C8orf74: variants seen among roughly 807,000 people sequenced by gnomAD.
C8orf74 encodes uncharacterized protein C8orf74.
In C8orf74, 29 loss-of-function variants were observed where a neutral mutation model predicts 22.2. The ratio of observed to expected loss-of-function variants is 1.31; its 90% CI spans 0.97 to 1.78. C8orf74 has a LOEUF of 1.78. C8orf74 is among the 40% of genes most tolerant of loss of function. The probability of loss-of-function intolerance (pLI) is 0.00; values close to 1 mark genes in which losing one functional copy is unlikely to be tolerated. For missense variants in C8orf74, 515 were observed against 369.9 expected (o/e 1.39, Z -3.22); for synonymous variants, 255 against 163.1 (o/e 1.56, Z -4.30).
chr8:10,673,319 T>C (rs764778992), intron 1 of C8orf74, among the ~76,000 whole-genome samples: 15 of 152,146 alleles, frequency 9.9e-5, no homozygotes, highest in Non-Finnish European at 2.1e-4. Flanking sequence ...TGGGAGCCTA[T>C]AAGAACTTTC....
intron 2 of C8orf74, among the ~76,000 whole-genome samples, chr8:10,678,934 G>A (rs541480432): frequency 2.0e-5 from 3 of 152,316 alleles, no homozygotes; most frequent in African/African-American, 7.2e-5. Flanking sequence ...AGGGACACTC[G>A]TGAGAGCGAG....
chr8:10,674,820 C>T lies in C8orf74; in HGVS notation c.223C>T (p.Leu75=), dbSNP rs748124142. 1.5e-5 allele frequency: 24 copies of T among 1,602,254 alleles called. No individual in the cohort carries two copies. Among genetic ancestry groups the T allele is most frequent in the Middle Eastern group, 3.3e-4 (2 of 6,046 alleles). ...VAQVVKFTEE[L]LRETKGCSIT... is the part of the protein sequence containing the mutation. ...CCAGGTGGTCAAGTTCACAGAAGAG[C>T]TGCTAAGGGAAACCAAAGGTATGGT... The change falls in exon 2 of 4, where the codon CTG becomes TTG. Residue 75 remains leucine, a synonymous_variant. Transcript: ENST00000304519.
chr8:10,696,711 G>C (rs1799508946), intron 2 of C8orf74, among the ~76,000 whole-genome samples: 1 of 152,006 alleles, frequency 6.6e-6, no homozygotes, highest in Non-Finnish European at 1.5e-5. Context: ...GCCTCCCAAA[G>C]TGGTGGGATT....
intron 2 of C8orf74, among the ~76,000 whole-genome samples, chr8:10,683,101 C>T (rs529527836): frequency 6.6e-6 from 1 of 152,362 alleles, no homozygotes; most frequent in East Asian, 1.9e-4. Flanking sequence ...GAGAAGCAGG[C>T]AGCCCAGGAG....
At chr8:10,695,673 A>G (rs1799475857) in intron 2 of C8orf74, among the ~76,000 whole-genome samples, 1 of 152,146 alleles carries the variant, frequency 6.6e-6, no homozygotes, top group African/African-American at 2.4e-5. Flanking sequence ...GGAGACTTCA[A>G]AACAACCTCG....
intron 2 of C8orf74, chr8:10,688,526 T>G (rs1023689827): frequency 6.6e-6 from 1 of 152,378 alleles, no homozygotes; most frequent in Non-Finnish European, 1.5e-5. Context: ...AGTGCCATCT[T>G]CAGTCCCATC....
At chr8:10,695,075 A>T (rs1213243338) in intron 2 of C8orf74, among the ~76,000 whole-genome samples, 1 of 151,696 alleles carries the variant, frequency 6.6e-6, no homozygotes, top group African/African-American at 2.4e-5. Context: ...AGGAAGGAAT[A>T]GAGGGAAGGC....
In C8orf74 at chr8:10,697,833, G is replaced by A. The variant is rs1297421270; in HGVS notation, c.476G>A (p.Arg159Lys). The A allele has an allele frequency of 1.2e-6, 2 of 1,613,858 alleles. No homozygotes were observed. Among genetic ancestry groups the A allele is most frequent in the South Asian group, 2.2e-5 (2 of 91,080 alleles). ...HPLPLAEGMD[R>K]DLWIHEQQVA... ...CTCCCGCTGGCCGAGGGCATGGACA[G>A]GGACTTGTGGATCCACGAGCAGCAG... The change falls in exon 3 of 4, where the codon AGG becomes AAG. Residue 159 changes from arginine (R) to lysine (K), a missense_variant. Physicochemically the swap from Arg to Lys is conservative, Grantham distance 26. Coordinates refer to ENST00000304519, the MANE Select transcript of C8orf74 (RefSeq NM_001040032.2).
intron 2 of C8orf74, among the ~76,000 whole-genome samples, chr8:10,696,436 C>CTT (rs1799501441): frequency 3.8e-5 from 5 of 130,780 alleles, no homozygotes; most frequent in African/African-American, 1.3e-4. Context: ...CTTTTCTTTT[C>CTT]TTTTCTTTTT....
intron 2 of C8orf74, chr8:10,689,370 C>G (rs1279205474): frequency 6.6e-6 from 1 of 152,246 alleles, no homozygotes; most frequent in Non-Finnish European, 1.5e-5. Context: ...AGAGAGACTA[C>G]TTGCCCCAAA....
intron 2 of C8orf74, among the ~76,000 whole-genome samples, chr8:10,687,633 A>G (rs997722762): frequency 6.6e-5 from 10 of 151,962 alleles, no homozygotes; most frequent in South Asian, 2.1e-4. Context: ...AAAAAAAAAA[A>G]AAAAGAAAGA....
chr8:10,699,493 G>C (rs1231826310), intron 3 of C8orf74, among the ~76,000 whole-genome samples: 1 of 152,256 alleles, frequency 6.6e-6, no homozygotes, highest in Non-Finnish European at 1.5e-5. Flanking sequence ...GTTGCTTCCA[G>C]TGTGTCCCCT....
chr8:10,672,974 C>G (rs1345655181), intron 1 of C8orf74, among the ~76,000 whole-genome samples: 1 of 152,180 alleles, frequency 6.6e-6, no homozygotes, highest in East Asian at 1.9e-4. Flanking sequence ...AGGGACTGTG[C>G]CTGCCTCCTC....
intron 2 of C8orf74, chr8:10,691,424 G>C (rs1799378723): frequency 6.2e-6 from 1 of 160,526 alleles, no homozygotes; most frequent in Non-Finnish European, 1.4e-5. Flanking sequence ...CAATGAGGCA[G>C]ACACAGCCAC....
At position 10,672,720 on chromosome 8, in the gene C8orf74, G is replaced by A; in HGVS notation, c.48+7G>A. On this transcript the variant is annotated splice_region_variant and intron_variant, in intron 1 of 3. Coordinates refer to ENST00000304519, the MANE Select transcript of C8orf74 (RefSeq NM_001040032.2). ...AGAAGTCTTCCAACTTCAGGTGAAG[G>A]AAGAGAAAATGTGGCTTTTAAACAG... 1 of 1,556,012 alleles carries A rather than the reference G, an allele frequency of 6.4e-7. No homozygotes were observed. The highest frequency in any genetic ancestry group is 8.7e-7 in the Non-Finnish European group (1 of 1,149,106).
chr8:10,684,901 C>T (rs1022137173), intron 2 of C8orf74, among the ~76,000 whole-genome samples: 2 of 152,162 alleles, frequency 1.3e-5, no homozygotes, highest in African/African-American at 4.8e-5. Flanking sequence ...AGCATGAACG[C>T]TGAGATACGT....
intron 2 of C8orf74, chr8:10,675,625 G>A (rs762136397): frequency 7.9e-5 from 12 of 152,236 alleles, no homozygotes; most frequent in Non-Finnish European, 1.3e-4. Flanking sequence ...TGCCTCCTTA[G>A]TCAAATGATC....
At chr8:10,676,650 G>T (rs1032162181) in intron 2 of C8orf74, among the ~76,000 whole-genome samples, 1 of 152,150 alleles carries the variant, frequency 6.6e-6, no homozygotes, top group African/African-American at 2.4e-5. Context: ...CTAAAGGCTA[G>T]AGCGAGACAT....
intron 2 of C8orf74, chr8:10,687,113 G>A: frequency 4.4e-6 from 2 of 456,320 alleles, no homozygotes; most frequent in Non-Finnish European, 8.8e-6. Flanking sequence ...CCCACCAGCT[G>A]TGTAGGAATG....
Sources: allele counts gnomAD v4.1 joint callset (sites outside exome capture counted in the v4.1 genomes callset), GRCh38; gene constraint gnomAD v4.1.1; transcripts MANE v1.5; gene names NCBI Gene and HGNC (gene_info 2026-07-23, HGNC 2026-07-21).